The following SLCO1B3 variants were observed in gnomAD, a reference collection of about 807,000 sequenced individuals.
The protein encoded by SLCO1B3 is solute carrier organic anion transporter family member 1B3, also known as liver-specific organic anion transporter 2.
Under a neutral mutation model 71.8 loss-of-function variants are expected in SLCO1B3, and 72 were observed. That is an observed-to-expected ratio of 1.00 (90% CI 0.83 to 1.22). The LOEUF is 1.22. Ranked by LOEUF, SLCO1B3 falls within the 50% of genes most tolerant of loss-of-function variation. The pLI is 0.00. For missense variants in SLCO1B3, 911 were observed against 819.7 expected (o/e 1.11, Z -1.36); for synonymous variants, 298 against 278.4 (o/e 1.07, Z -0.70).
At chr12:20,854,943 A>G in intron 3 of SLCO1B3, 85 bp from the exon 4 acceptor site, 1 of 1,279,894 alleles carries the variant, frequency 7.8e-7, no homozygotes, top group South Asian at 1.3e-5. Flanking sequence ...AGTAAAGAAG[A>G]AAAACTGTTT....
intron 8 of SLCO1B3, among the ~76,000 whole-genome samples, chr12:20,866,152 G>A (rs1008407469): frequency 1.3e-5 from 2 of 152,078 alleles, no homozygotes; most frequent in Non-Finnish European, 2.9e-5. Flanking sequence ...AGTGATGCTG[G>A]AAGTGCTCCC....
In SLCO1B3 at chr12:20,875,159, T is replaced by C. The variant is rs3829311; in HGVS notation, c.728-76T>C. The C allele has an allele frequency of 0.78, 1,184,358 of 1,511,252 alleles. 474,905 individuals are homozygous for C. The highest frequency in any genetic ancestry group is 0.84 in the South Asian group (71,034 of 84,214). The allele number at this position is 1,511,252 out of a possible 1,614,324, so 93.6% of individuals were successfully genotyped here. A position where few individuals can be genotyped will look rare whatever the true frequency, so the allele number is the denominator to read the frequency against. On this transcript the variant is annotated intron_variant, in intron 8 of 15. Coordinates refer to ENST00000381545, the MANE Select transcript of SLCO1B3 (RefSeq NM_019844.4). ...TTTCTTCATCTATGGAGGACTGCAA[T>C]CATTATCATTATTTCCCAGAACCTA...
chr12:20,817,193 C>T (rs1864208384), intron 3 of SLCO1B3, among the ~76,000 whole-genome samples: 1 of 152,144 alleles, frequency 6.6e-6, no homozygotes, highest in African/African-American at 2.4e-5. Flanking sequence ...TATGCAGAAA[C>T]ATTTTAACTA....
chr12:20,875,615 C>G (rs1865566826), intron 9 of SLCO1B3, 138 bp downstream of exon 9: 1 of 876,506 alleles, frequency 1.1e-6, no homozygotes, highest in South Asian at 1.7e-5. Flanking sequence ...ATTATTTTTT[C>G]TAAAACTCCT....
At chr12:20,852,126 C>A (rs1865037038) in intron 3 of SLCO1B3, among the ~76,000 whole-genome samples, 2 of 152,138 alleles carry the variant, frequency 1.3e-5, no homozygotes, top group Admixed American at 1.3e-4. Context: ...ATTATTTTGG[C>A]TACGCAGGGT....
Position 20,822,002 on chromosome 12 carries a change from A to G in SLCO1B3, c.84+6180A>G, listed in dbSNP as rs531943602. 1.1e-3 allele frequency among the ~76,000 whole-genome samples: 161 copies of G among 152,306 alleles called. 4 individuals are homozygous for G. The South Asian group carries it at 0.032, about 31-fold the overall frequency. Reference sequence around the variant, plus strand: ...GGAGAAAGAGGTTGAGGGATAGTGAAGGAAGTTGGAGAAGAGAGTAAAAAG... The same window carrying G: ...GGAGAAAGAGGTTGAGGGATAGTGAGGGAAGTTGGAGAAGAGAGTAAAAAG... On this transcript the variant is annotated intron_variant, in intron 3 of 15. Transcript: ENST00000381545.
At position 20,844,821 on chromosome 12, in the gene SLCO1B3, G is replaced by A. The variant is rs560057066; in HGVS notation, c.85-10207G>A. Reference sequence around the variant, plus strand: ...AAGGTGGGCGAATCATCTGAGGCCAGGAATTCAAGACCAGCCTGGCCAACA... The same window carrying A: ...AAGGTGGGCGAATCATCTGAGGCCAAGAATTCAAGACCAGCCTGGCCAACA... On this transcript the variant is annotated intron_variant, in intron 3 of 15. Transcript: ENST00000381545. 5.3e-5 allele frequency among the ~76,000 whole-genome samples: 8 copies of A among 152,142 alleles called. No individual in the cohort carries two copies. The East Asian group carries it at 1.6e-3, about 30-fold the overall frequency.
intron 3 of SLCO1B3, among the ~76,000 whole-genome samples, chr12:20,842,931 A>G (rs933849321): frequency 1.7e-4 from 26 of 152,094 alleles, no homozygotes; most frequent in African/African-American, 6.0e-4. Context: ...CCAGAGAGCT[A>G]TTTTGCCCTT....
intron 2 of SLCO1B3, among the ~76,000 whole-genome samples, chr12:20,815,358 T>G (rs1361921442): frequency 6.6e-6 from 1 of 152,200 alleles, no homozygotes; most frequent in Non-Finnish European, 1.5e-5. Context: ...GTAGAAAATA[T>G]AAAAATTTTA....
chr12:20,862,253 CCCTT>C (rs1165418647), intron 6 of SLCO1B3, among the ~76,000 whole-genome samples, 155 bp from the exon 7 acceptor site: 9 of 152,020 alleles, frequency 5.9e-5, no homozygotes, highest in African/African-American at 1.4e-4. Flanking sequence ...TTTCTTTGTG[CCCTT>C]CCTTATTTTC....
chr12:20,814,976 CTTTTCT>C (rs140461508), intron 2 of SLCO1B3, among the ~76,000 whole-genome samples: 53,735 of 117,404 alleles, frequency 0.46, 11,289 homozygotes, highest in South Asian at 0.64. Context: ...CTTTTCTTTT[CTTTTCT>C]TTTTTTTTTT....
At chr12:20,869,702 G>A (rs143615475) in intron 8 of SLCO1B3, among the ~76,000 whole-genome samples, 5 of 152,188 alleles carry the variant, frequency 3.3e-5, no homozygotes, top group African/African-American at 1.2e-4. Flanking sequence ...TTCATTATAC[G>A]TATATATCAC....
rs1866396361 is a variant in SLCO1B3 at position 20,912,306 on chromosome 12, TTTATTTATTTATTTA to T, written c.1866-3695_1866-3681del. 2.9e-4 allele frequency among the ~76,000 whole-genome samples: 4 copies of T among 13,960 alleles called. No individual in the cohort carries two copies. In the Non-Finnish European group the frequency reaches 8.4e-3, roughly 29 times the overall value. 9.2% of individuals were successfully genotyped at this position (13,960 alleles called of 152,430 possible). ...TTCTTCTATTTTATTTTTATTTTTATTTATTTATTTATTTATTTATTTATTTATTTATTTATTTAT... is the reference window on the plus strand; with the variant it reads ...TTCTTCTATTTTATTTTTATTTTTATTTTATTTATTTATTTATTTATTTAT... On this transcript the variant is annotated intron_variant, in intron 15 of 15. Coordinates refer to ENST00000381545, the MANE Select transcript of SLCO1B3 (RefSeq NM_019844.4).
intron 13 of SLCO1B3, among the ~76,000 whole-genome samples, chr12:20,890,142 C>T (rs939042702): frequency 6.6e-6 from 1 of 151,906 alleles, no homozygotes; most frequent in African/African-American, 2.4e-5. Flanking sequence ...TGGTCTCAAA[C>T]TCCTGATCTC....
chr12:20,905,505 G>A lies in SLCO1B3; in HGVS notation c.1865+4038G>A, dbSNP rs1262501801. On this transcript the variant is annotated intron_variant, in intron 15 of 15. Coordinates refer to ENST00000381545, the MANE Select transcript of SLCO1B3 (RefSeq NM_019844.4). ...TCACACATATGAGTAAACACTTTTA[G>A]AAACAGCCAGGTCACATCTTGAATG... is the stretch of plus-strand genomic sequence containing the variant. Among the ~76,000 whole-genome samples the A allele has an allele frequency of 2.0e-5, 3 of 152,058 alleles. No individual in the cohort carries two copies. The East Asian group carries it at 5.8e-4, about 29-fold the overall frequency.
In SLCO1B3 at chr12:20,875,376, G is replaced by C; in HGVS notation, c.869G>C (p.Arg290Thr). The stretch of plus-strand genomic sequence containing the variant: ...AATCCAAATAAACCACAAAAAGAAA[G>C]AAAAATTTCACTATCATTGCATGTG... ...PKNPNKPQKE[R>T]KISLSLHVLK... Residue 290 changes from arginine to threonine, a missense_variant, in exon 9 of 16, where the codon AGA becomes ACA. Physicochemically the swap from Arg to Thr is moderately conservative, Grantham distance 71. Transcript: ENST00000381545. 1.2e-6 allele frequency: 2 copies of C among 1,611,596 alleles called. No homozygotes were observed. The highest frequency in any genetic ancestry group is 1.7e-6 in the Non-Finnish European group (2 of 1,179,132).
intron 12 of SLCO1B3, among the ~76,000 whole-genome samples, chr12:20,881,257 C>CT (rs1336625081): frequency 2.0e-5 from 3 of 152,086 alleles, no homozygotes; most frequent in East Asian, 1.9e-4. Context: ...AGATTACCCA[C>CT]TTTTTTTCTT....
Position 20,841,430 on chromosome 12 carries a change from CAA to C in SLCO1B3, c.85-13597_85-13596del, listed in dbSNP as rs369660620. On this transcript the variant is annotated intron_variant, in intron 3 of 15. Transcript: ENST00000381545. ...CCACTATAATTTCTTAATTAATACA[CAA>C]GTTATTTAAAATAAGATTTGCCCCA... is the stretch of plus-strand genomic sequence containing the variant. Among the ~76,000 whole-genome samples the C allele has an allele frequency of 8.3e-4, 126 of 151,612 alleles. 2 individuals are homozygous for C. The South Asian group carries it at 0.025, about 30-fold the overall frequency.
chr12:20,843,752 G>A (rs991746477), intron 3 of SLCO1B3, among the ~76,000 whole-genome samples: 1 of 151,442 alleles, frequency 6.6e-6, no homozygotes, highest in Non-Finnish European at 1.5e-5. Context: ...CTGCACTCCA[G>A]CCTGGGCAAC....
Sources: gnomAD v4.1 joint callset for allele counts (sites outside exome capture counted in the v4.1 genomes callset) on GRCh38, gnomAD v4.1.1 for gene constraint, MANE v1.5 for transcripts, NCBI Gene and HGNC (gene_info 2026-07-23, HGNC 2026-07-21) for gene names.